EFCAB11: variants seen among roughly 807,000 people sequenced by gnomAD.
The protein encoded by EFCAB11 is EF-hand calcium binding domain 11, also known as EF-hand calcium-binding domain-containing protein 11.
EFCAB11 carries 14 observed loss-of-function variants against 23.0 expected under a neutral mutation model. That is an observed-to-expected ratio of 0.61 (90% CI 0.40 to 0.95). EFCAB11 has a LOEUF of 0.95. EFCAB11 is among the 40% of genes least tolerant of loss of function. The probability of loss-of-function intolerance (pLI) is 0.00; values close to 1 mark genes in which losing one functional copy is unlikely to be tolerated. For missense variants in EFCAB11, 198 were observed against 195.8 expected, an observed-to-expected ratio of 1.01 and a Z score of -0.07; for synonymous variants, 65 against 66.6, an observed-to-expected ratio of 0.98 and a Z score of 0.11.
chr14:89,827,924 T>G (rs1318374532), intron 5 of EFCAB11, among the ~76,000 whole-genome samples: 1 of 152,130 alleles, frequency 6.6e-6, no homozygotes, highest in Admixed American at 6.6e-5. Flanking sequence ...TGAGCCACCA[T>G]GCCTGGCCTT....
rs567340668 is a variant in EFCAB11, at chr14:89,871,795, C to T, written c.410+59746G>A. On this transcript the variant is annotated intron_variant, in intron 5 of 5. Coordinates refer to ENST00000316738, the MANE Select transcript of EFCAB11 (RefSeq NM_145231.4). ...TTTTCCCCCTGACTCCATCAGATTT[C>T]CCATGTCACTGCTAATGTACTGACA... 5.3e-5 allele frequency among the ~76,000 whole-genome samples: 8 copies of T among 152,350 alleles called. No homozygotes were observed. In the South Asian group the frequency reaches 1.7e-3, roughly 32 times the overall value.
intron 5 of EFCAB11, among the ~76,000 whole-genome samples, chr14:89,892,745 T>C (rs1461299841): frequency 6.6e-6 from 1 of 151,888 alleles, no homozygotes; most frequent in East Asian, 1.9e-4. Flanking sequence ...CTACTAAAAA[T>C]ACAAAAATTA....
rs1887303692 is a variant in EFCAB11, at chr14:89,842,605, ATG to A, written c.411-45283_411-45282del. Among the ~76,000 whole-genome samples, 8 of 92,746 alleles carry A rather than the reference ATG, an allele frequency of 8.6e-5. No individual in the cohort carries two copies. In the South Asian group the frequency reaches 2.7e-3, roughly 31 times the overall value. 60.8% of individuals were successfully genotyped at this position (92,746 alleles called of 152,430 possible). A position where few individuals can be genotyped will look rare whatever the true frequency, so the allele number is the denominator to read the frequency against. On this transcript the variant is annotated intron_variant, in intron 5 of 5. Coordinates refer to ENST00000316738, the MANE Select transcript of EFCAB11 (RefSeq NM_145231.4). ...ATAAATTAATATGATATAATATGAT[ATG>A]ATATGATATGATATGATATGATATG...
chr14:89,835,916 C>A (rs1221577188), intron 5 of EFCAB11, among the ~76,000 whole-genome samples: 1 of 152,160 alleles, frequency 6.6e-6, no homozygotes, highest in African/African-American at 2.4e-5. Context: ...GCGTGAGCCA[C>A]TGCACCTGGC....
chr14:89,881,457 ATATATATATTC>A (rs1888598165), intron 5 of EFCAB11, among the ~76,000 whole-genome samples: 1 of 112,404 alleles, frequency 8.9e-6, no homozygotes, highest in Non-Finnish European at 1.9e-5. Flanking sequence ...CTTGGCATAT[ATATATATATTC>A]TTTTTTTTTT....
rs759851041 is a variant in EFCAB11, at chr14:89,954,709, T to C, written c.-49A>G. The stretch of plus-strand genomic sequence containing the variant: ...AGCAACCCAACCAGCTACCACCGCT[T>C]TCCCAGCCTGGCTGGCAGCCTACCG... On this transcript the variant is annotated 5_prime_UTR_variant, in exon 1 of 6. Coordinates refer to ENST00000316738, the MANE Select transcript of EFCAB11 (RefSeq NM_145231.4). The C allele has an allele frequency of 1.5e-5, 24 of 1,587,794 alleles. No homozygotes were observed. Among genetic ancestry groups the C allele is most frequent in the African/African-American group, 5.4e-5 (4 of 74,306 alleles).
intron 3 of EFCAB11, among the ~76,000 whole-genome samples, chr14:89,935,735 G>C (rs1490785299): frequency 6.6e-6 from 1 of 152,200 alleles, no homozygotes; most frequent in African/African-American, 2.4e-5. Context: ...TTAGCCAGGT[G>C]CGGTAGCTCA....
intron 5 of EFCAB11, among the ~76,000 whole-genome samples, chr14:89,878,194 T>A (rs1888498486): frequency 6.6e-6 from 1 of 152,170 alleles, no homozygotes; most frequent in African/African-American, 2.4e-5. Flanking sequence ...GAGACAATAA[T>A]CCTTTCATTA....
intron 5 of EFCAB11, among the ~76,000 whole-genome samples, chr14:89,797,536 T>G (rs1367996344): frequency 6.6e-6 from 1 of 152,146 alleles, no homozygotes; most frequent in Non-Finnish European, 1.5e-5. Flanking sequence ...AAATAATATA[T>G]TCCACATATT....
intron 3 of EFCAB11, among the ~76,000 whole-genome samples, chr14:89,946,908 T>C (rs1319107462): frequency 6.6e-6 from 1 of 152,158 alleles, no homozygotes; most frequent in Non-Finnish European, 1.5e-5. Flanking sequence ...TTGTTCCTAT[T>C]CATATGTGTC....
At chr14:89,836,219 G>A (rs998433132) in intron 5 of EFCAB11, among the ~76,000 whole-genome samples, 1 of 151,828 alleles carries the variant, frequency 6.6e-6, no homozygotes, top group East Asian at 1.9e-4. Context: ...ACTCAGGACA[G>A]AGGCGACCCT....
intron 5 of EFCAB11, among the ~76,000 whole-genome samples, chr14:89,929,048 C>A (rs373423286): frequency 8.0e-6 from 1 of 125,294 alleles, no homozygotes. Flanking sequence ...TATATATACA[C>A]ACACACATAT....
intron 5 of EFCAB11, among the ~76,000 whole-genome samples, chr14:89,823,318 T>C (rs1886587483): frequency 6.6e-6 from 1 of 152,174 alleles, no homozygotes; most frequent in South Asian, 2.1e-4. Flanking sequence ...GGAACTGGAT[T>C]CTATTAACAA....
chr14:89,851,407 G>C (rs138898594), intron 5 of EFCAB11, among the ~76,000 whole-genome samples: 2 of 152,184 alleles, frequency 1.3e-5, no homozygotes, highest in Non-Finnish European at 2.9e-5. Context: ...CACAAAAAGA[G>C]AGAAAATTTG....
chr14:89,823,448 C>A (rs146754583), intron 5 of EFCAB11, among the ~76,000 whole-genome samples: 1 of 152,160 alleles, frequency 6.6e-6, no homozygotes, highest in Non-Finnish European at 1.5e-5. Flanking sequence ...CACCATGCTG[C>A]GGACCTTCAT....
chr14:89,859,743 G>T (rs1427015485), intron 5 of EFCAB11, among the ~76,000 whole-genome samples: 1 of 152,152 alleles, frequency 6.6e-6, no homozygotes, highest in Non-Finnish European at 1.5e-5. Context: ...CATGAAGGGA[G>T]AAGTAAGGCT....
intron 5 of EFCAB11, among the ~76,000 whole-genome samples, chr14:89,843,676 A>G (rs1201890420): frequency 1.3e-5 from 2 of 152,224 alleles, no homozygotes; most frequent in African/African-American, 4.8e-5. Flanking sequence ...ACGTTAACAT[A>G]TATTGGGGCA....
chr14:89,923,028 T>C (rs1356102251), intron 5 of EFCAB11, among the ~76,000 whole-genome samples: 1 of 152,184 alleles, frequency 6.6e-6, no homozygotes, highest in Admixed American at 6.5e-5. Flanking sequence ...AGAGACTAAA[T>C]ATTCCTTCCA....
chr14:89,842,170 G>A (rs1596395731), intron 5 of EFCAB11, among the ~76,000 whole-genome samples: 2 of 152,280 alleles, frequency 1.3e-5, no homozygotes, highest in Non-Finnish European at 1.5e-5. Flanking sequence ...GTGTATGCAT[G>A]TCTCTCCAAC....
Sources: allele counts gnomAD v4.1 joint callset (sites outside exome capture counted in the v4.1 genomes callset), GRCh38; gene constraint gnomAD v4.1.1; transcripts MANE v1.5; gene names NCBI Gene and HGNC (gene_info 2026-07-23, HGNC 2026-07-21).